The following INSL6 variants were observed in gnomAD, a reference collection of about 807,000 sequenced individuals.
The protein encoded by INSL6 is insulin like 6.
INSL6 carries 16 observed loss-of-function variants against 9.4 expected under a neutral mutation model. The observed-to-expected ratio is 1.70, with a 90% CI of 1.15 to 2.59. The LOEUF (loss-of-function observed/expected upper bound fraction) is 2.59. INSL6 is among the 30% of genes most tolerant of loss of function. The pLI is 0.00. For synonymous variants in INSL6, 154 were observed against 96.9 expected, an observed-to-expected ratio of 1.59 and a Z score of -3.46; for missense variants, 391 against 257.3, an observed-to-expected ratio of 1.52 and a Z score of -3.56.
At chr9:5,101,306 T>C in the INSL6 span, among the ~76,000 whole-genome samples, 5 of 152,288 alleles carry the variant, frequency 3.3e-5, no homozygotes, top group Admixed American at 3.3e-4. Context: ...GATCCACCCG[T>C]GAGGCAGCAG....
the INSL6 span, chr9:5,044,331 T>C: frequency 6.1e-3 from 5,352 of 880,518 alleles, 220 homozygotes; most frequent in African/African-American, 0.081. Flanking sequence ...ATGCTGTAGG[T>C]GACTATATAT....
the INSL6 span, chr9:5,109,630 G>C: frequency 3.3e-5 from 5 of 152,144 alleles, no homozygotes; most frequent in African/African-American, 1.2e-4. Context: ...TTCACCATTA[G>C]CCTCATCCCA....
the INSL6 span, chr9:5,080,207 C>T: frequency 1.3e-6 from 2 of 1,579,944 alleles, no homozygotes; most frequent in South Asian, 2.3e-5. Flanking sequence ...TTTAACCCTA[C>T]TCTGTTCGTA....
At chr9:4,992,377 A>C in the INSL6 span, among the ~76,000 whole-genome samples, 3 of 152,128 alleles carry the variant, frequency 2.0e-5, no homozygotes, top group Non-Finnish European at 2.9e-5. Context: ...GCCATGTCCT[A>C]CTGGTTGTAA....
chr9:5,137,963 CAAAAAACATATGAA>C (rs983724190), intron 2 of INSL6, among the ~76,000 whole-genome samples: 7 of 133,702 alleles, frequency 5.2e-5, no homozygotes, highest in Non-Finnish European at 3.2e-5. Context: ...TTTATGTGGC[CAAAAAACATATGAA>C]ACAAAGCTCA....
chr9:5,017,407 A>G, the INSL6 span, among the ~76,000 whole-genome samples: 2 of 152,224 alleles, frequency 1.3e-5, no homozygotes, highest in Non-Finnish European at 2.9e-5. Flanking sequence ...ACTTCGTTTA[A>G]ATTAACTTTC....
intron 3 of INSL6, chr9:5,126,517 C>A: frequency 9.0e-7 from 1 of 1,112,368 alleles, no homozygotes; most frequent in Non-Finnish European, 1.3e-6. Flanking sequence ...CTTCAGTTCA[C>A]TTCCTGAAAT....
chr9:5,004,215 T>C, the INSL6 span, among the ~76,000 whole-genome samples: 1 of 152,198 alleles, frequency 6.6e-6, no homozygotes, highest in African/African-American at 2.4e-5. Context: ...TGATGTACAA[T>C]AGATCTCTTC....
intron 2 of INSL6, among the ~76,000 whole-genome samples, chr9:5,155,785 G>C (rs1824804771): frequency 6.6e-6 from 1 of 151,846 alleles, no homozygotes; most frequent in African/African-American, 2.4e-5. Context: ...GGGGGGATAG[G>C]GGAGGGATTG....
chr9:5,088,555 G>T, the INSL6 span, among the ~76,000 whole-genome samples: 1 of 151,606 alleles, frequency 6.6e-6, no homozygotes, highest in Non-Finnish European at 1.5e-5. Context: ...AAAAAAAAAT[G>T]TAGAGTCATC....
At chr9:5,068,937 T>A in the INSL6 span, 64 of 754,116 alleles carry the variant, frequency 8.5e-5, no homozygotes, top group African/African-American at 1.0e-3. Flanking sequence ...CTGTTGCTTG[T>A]TCTTGTGATA....
the INSL6 span, chr9:5,044,609 A>T: frequency 3.8e-6 from 3 of 793,496 alleles, no homozygotes; most frequent in Non-Finnish European, 6.0e-6. Context: ...AACTTTACAT[A>T]TGGGAAAATT....
At chr9:5,179,867 G>A (rs1466192722) in intron 1 of INSL6, among the ~76,000 whole-genome samples, 2 of 152,166 alleles carry the variant, frequency 1.3e-5, no homozygotes. Context: ...GGAAGGGAAA[G>A]TATCAGGAGG....
At chr9:5,107,892 G>C in the INSL6 span, 2 of 151,976 alleles carry the variant, frequency 1.3e-5, no homozygotes, top group South Asian at 4.2e-4. Context: ...AACACATACG[G>C]CCTAGATTAC....
chr9:5,085,641 C>A, the INSL6 span: 1 of 720,800 alleles, frequency 1.4e-6, no homozygotes. Flanking sequence ...TCTTTTCACC[C>A]CAGATCTTGT....
chr9:5,105,927 G>A, the INSL6 span, among the ~76,000 whole-genome samples: 1 of 152,190 alleles, frequency 6.6e-6, no homozygotes, highest in Non-Finnish European at 1.5e-5. Flanking sequence ...ATGGATTAAA[G>A]ACTTAAATGT....
chr9:5,149,456 C>A (rs1824670388), intron 2 of INSL6, among the ~76,000 whole-genome samples: 1 of 152,154 alleles, frequency 6.6e-6, no homozygotes. Flanking sequence ...CAATAATGAT[C>A]AAGCTGAAAA....
chr9:5,098,171 T>A, the INSL6 span: 1 of 152,140 alleles, frequency 6.6e-6, no homozygotes, highest in Non-Finnish European at 1.5e-5. Context: ...TTACCACACA[T>A]TTGAAGAGCC....
At chr9:5,030,212 GA>G in the INSL6 span, among the ~76,000 whole-genome samples, 1 of 152,116 alleles carries the variant, frequency 6.6e-6, no homozygotes, top group African/African-American at 2.4e-5. Flanking sequence ...AAATGTTTGG[GA>G]TATTGCTGGT....
Sources: gnomAD v4.1 joint callset for allele counts (sites outside exome capture counted in the v4.1 genomes callset) on GRCh38, gnomAD v4.1.1 for gene constraint, MANE v1.5 for transcripts, NCBI Gene and HGNC (gene_info 2026-07-23, HGNC 2026-07-21) for gene names.